PALM2AKAP2: variants seen among roughly 807,000 people sequenced by gnomAD.
PALM2AKAP2 encodes the protein PALM2-AKAP2 fusion protein.
Under a neutral mutation model 71.5 loss-of-function variants are expected in PALM2AKAP2, and 37 were observed. The ratio of observed to expected loss-of-function variants is 0.52; its 90% confidence interval spans 0.40 to 0.68. The LOEUF (loss-of-function observed/expected upper bound fraction) is 0.68, where lower values mean the gene tolerates loss of function less well. PALM2AKAP2 is among the 30% of genes least tolerant of loss of function. The pLI is 0.00. For missense variants in PALM2AKAP2, 1,224 were observed against 1,191.8 expected (o/e 1.03, Z -0.40); for synonymous variants, 468 against 478.8 (o/e 0.98, Z 0.29).
chr9:109,965,177 T>A (rs1363205442), intron 6 of PALM2AKAP2, among the ~76,000 whole-genome samples: 1 of 152,240 alleles, frequency 6.6e-6, no homozygotes, highest in African/African-American at 2.4e-5. Flanking sequence ...CTTTTTCCTA[T>A]GAAGTGGGAC....
intron 3 of PALM2AKAP2, among the ~76,000 whole-genome samples, chr9:109,890,431 G>T (rs937296402): frequency 1.3e-5 from 2 of 152,162 alleles, no homozygotes; most frequent in African/African-American, 4.8e-5. Flanking sequence ...ACAGCGAACG[G>T]GTGATAAAAT....
At chr9:110,084,782 C>CTGGA (rs1834526407) in intron 1 of PALM2AKAP2, among the ~76,000 whole-genome samples, 1 of 151,940 alleles carries the variant, frequency 6.6e-6, no homozygotes. Flanking sequence ...GTTGCCCAGG[C>CTGGA]TGGAGTACAG....
At chr9:110,169,463 T>G (rs1184749787) in exon 4 of PALM2AKAP2, 2 of 151,842 alleles carry the variant, frequency 1.3e-5, no homozygotes, top group Non-Finnish European at 2.9e-5. Flanking sequence ...TGATAAGAAA[T>G]AAAAAGGTGT....
At chr9:109,736,298 C>T (rs906312476) in intron 1 of PALM2AKAP2, among the ~76,000 whole-genome samples, 7 of 152,008 alleles carry the variant, frequency 4.6e-5, no homozygotes, top group African/African-American at 7.2e-5. Flanking sequence ...TTTTCTGTAG[C>T]GACAATGAAC....
intron 1 of PALM2AKAP2, among the ~76,000 whole-genome samples, chr9:110,126,201 G>T (rs1161489827): frequency 2.0e-5 from 3 of 152,166 alleles, no homozygotes; most frequent in Non-Finnish European, 4.4e-5. Context: ...TAGACAGAGG[G>T]TTAACCACAA....
At chr9:110,086,021 C>T (rs955141474) in intron 1 of PALM2AKAP2, among the ~76,000 whole-genome samples, 2 of 150,956 alleles carry the variant, frequency 1.3e-5, no homozygotes, top group Non-Finnish European at 2.9e-5. Context: ...GCAGGAGAAT[C>T]GCTTGAACCC....
intron 1 of PALM2AKAP2, among the ~76,000 whole-genome samples, chr9:109,845,167 G>A (rs1034136951): frequency 1.1e-4 from 16 of 152,320 alleles, no homozygotes; most frequent in African/African-American, 3.1e-4. Context: ...CTGAAAAGAG[G>A]CACTGACCTG....
chr9:109,827,355 A>C (rs2418051), intron 1 of PALM2AKAP2, among the ~76,000 whole-genome samples: 17,736 of 152,074 alleles, frequency 0.12, 1,648 homozygotes, highest in African/African-American at 0.26. Context: ...GTGGCTCATG[A>C]CTGTAATCCC....
chr9:109,846,360 G>A (rs1049584854), intron 1 of PALM2AKAP2, among the ~76,000 whole-genome samples: 5 of 152,126 alleles, frequency 3.3e-5, no homozygotes, highest in Non-Finnish European at 5.9e-5. Context: ...TAATTCTAAA[G>A]GTCTCCCAAT....
At chr9:110,043,701 T>G (rs1281766384), upstream of PALM2AKAP2, among the ~76,000 whole-genome samples, 1 of 149,112 alleles carries the variant, frequency 6.7e-6, no homozygotes, top group Non-Finnish European at 1.5e-5. Context: ...ATCTGTAAAC[T>G]ACGTTTTTTT....
intron 1 of PALM2AKAP2, among the ~76,000 whole-genome samples, chr9:109,738,943 C>T (rs1016734737): frequency 1.3e-5 from 2 of 152,286 alleles, no homozygotes; most frequent in Admixed American, 6.5e-5. Flanking sequence ...AAATTGTTTC[C>T]GAACTCTCAG....
intron 3 of PALM2AKAP2, among the ~76,000 whole-genome samples, chr9:109,908,030 A>G (rs968784003): frequency 6.6e-6 from 1 of 152,208 alleles, no homozygotes; most frequent in African/African-American, 2.4e-5. Context: ...GTTTAGGGAA[A>G]TCCATGCTGT....
chr9:109,676,397 T>C (rs539069507), intron 1 of PALM2AKAP2, among the ~76,000 whole-genome samples: 2 of 152,202 alleles, frequency 1.3e-5, no homozygotes, highest in Admixed American at 6.5e-5. Flanking sequence ...TTAATGAAGA[T>C]AGGGAACATG....
chr9:109,731,720 G>A (rs2118660971), intron 1 of PALM2AKAP2, among the ~76,000 whole-genome samples: 1 of 152,170 alleles, frequency 6.6e-6, no homozygotes, highest in African/African-American at 2.4e-5. Flanking sequence ...TGAACATTGT[G>A]AAAAATTTTG....
Position 110,035,243 on chromosome 9 carries a change from T to G in PALM2AKAP2, c.582+19204T>G, listed in dbSNP as rs908938781. Among the ~76,000 whole-genome samples, 5 of 135,918 alleles carry G rather than the reference T, an allele frequency of 3.7e-5. No individual in the cohort carries two copies. The South Asian group carries it at 1.1e-3, about 30-fold the overall frequency. 89.2% of individuals were successfully genotyped at this position (135,918 alleles called of 152,430 possible). On this transcript the variant is annotated intron_variant, in intron 7 of 9. Coordinates refer to the PALM2AKAP2 transcript ENST00000302798. ...TAAAAAATATATATAATATAATATA[T>G]AATTATATTATATACACACATATAT...
At chr9:109,737,079 A>G (rs940315088) in intron 1 of PALM2AKAP2, among the ~76,000 whole-genome samples, 1 of 152,262 alleles carries the variant, frequency 6.6e-6, no homozygotes, top group African/African-American at 2.4e-5. Context: ...GGCATCATCT[A>G]GGAAAGTCTT....
intron 7 of PALM2AKAP2, among the ~76,000 whole-genome samples, chr9:110,028,650 G>A (rs1277279954): frequency 1.3e-5 from 2 of 152,122 alleles, no homozygotes; most frequent in East Asian, 1.9e-4. Context: ...ATAAGTGCAG[G>A]TTTATTTTTT....
intron 7 of PALM2AKAP2, among the ~76,000 whole-genome samples, chr9:110,017,624 G>A (rs1833003656): frequency 6.6e-6 from 1 of 152,180 alleles, no homozygotes; most frequent in Non-Finnish European, 1.5e-5. Flanking sequence ...TTGCTAGTGG[G>A]AGAGAAGACA....
intron 6 of PALM2AKAP2, among the ~76,000 whole-genome samples, chr9:110,015,075 C>A (rs1395495368): frequency 6.6e-6 from 1 of 151,716 alleles, no homozygotes. Context: ...AATCGGGTAG[C>A]TTTAGAAGAA....
Sources: gnomAD v4.1 joint callset for allele counts (sites outside exome capture counted in the v4.1 genomes callset) on GRCh38, gnomAD v4.1.1 for gene constraint, MANE v1.5 for transcripts, NCBI Gene and HGNC (gene_info 2026-07-23, HGNC 2026-07-21) for gene names.